HTT: variants seen among roughly 807,000 people sequenced by gnomAD.
HTT encodes huntingtin.
A neutral mutation model predicts 362.3 loss-of-function variants in HTT; 104 were observed. The ratio of observed to expected loss-of-function variants is 0.29; its 90% CI spans 0.24 to 0.34. HTT has a LOEUF of 0.34. HTT is among the 10% of genes least tolerant of loss of function. The pLI, the probability that HTT is intolerant of heterozygous loss-of-function variation, is 1.00. For missense variants in HTT, 3,301 were observed against 3,928.6 expected, an observed-to-expected ratio of 0.84 and a Z score of 4.27; for synonymous variants, 1,577 against 1,548.7, an observed-to-expected ratio of 1.02 and a Z score of -0.43.
chr4:3,230,500 A>T (rs968982145), intron 60 of HTT, among the ~76,000 whole-genome samples: 1 of 151,504 alleles, frequency 6.6e-6, no homozygotes, highest in Non-Finnish European at 1.5e-5. Context: ...TGTCACAGTG[A>T]CCCTGTGTTT....
intron 49 of HTT, among the ~76,000 whole-genome samples, chr4:3,213,368 G>C (rs972953766): frequency 2.0e-5 from 3 of 152,226 alleles, no homozygotes; most frequent in Non-Finnish European, 4.4e-5. Flanking sequence ...TCACAGCACA[G>C]GGTGATTGCT....
intron 8 of HTT, among the ~76,000 whole-genome samples, chr4:3,120,763 G>C (rs1317931404): frequency 6.6e-6 from 1 of 152,186 alleles, no homozygotes; most frequent in Non-Finnish European, 1.5e-5. Context: ...CCAGTCTCTG[G>C]TGCCAGAAAG....
At position 3,187,635 on chromosome 4, in the gene HTT, A is replaced by G. The variant is rs917682102; in HGVS notation, c.4990-16A>G. ...TTTTTTCTTCAGCTGTGACTTATGT[A>G]TTATGTTTATTTTAGGCGTCCGTGA... On this transcript the variant is annotated splice_polypyrimidine_tract_variant and intron_variant, in intron 38 of 66. Transcript: ENST00000355072. 3 of 1,577,976 alleles carry G rather than the reference A, an allele frequency of 1.9e-6. No individual in the cohort carries two copies. The highest frequency in any genetic ancestry group is 2.2e-5 in the East Asian group (1 of 44,724).
intron 53 of HTT, among the ~76,000 whole-genome samples, chr4:3,220,854 C>G (rs866265240): frequency 6.6e-6 from 1 of 152,126 alleles, no homozygotes; most frequent in Non-Finnish European, 1.5e-5. Flanking sequence ...CAGGGCAAGT[C>G]CGTCTAACCT....
Position 3,145,248 on chromosome 4 carries a change from T to C in HTT, c.3143+20T>C. The C allele has an allele frequency of 6.7e-7, 1 of 1,483,144 alleles. No individual in the cohort carries two copies. Among genetic ancestry groups the C allele is most frequent in the South Asian group, 1.1e-5 (1 of 88,374 alleles). The allele number at this position is 1,483,144 out of a possible 1,614,324, so 91.9% of individuals were successfully genotyped here. On this transcript the variant is annotated intron_variant, in intron 24 of 66. Transcript: ENST00000355072. ...CTGTGGGTATGTATTTTCCTCAGTA[T>C]ATATTAATAGTTGTCTACAACAGTA...
chr4:3,215,051 A>G (rs1720331862), intron 50 of HTT, 59 bp from the exon 51 acceptor site: 2 of 1,361,348 alleles, frequency 1.5e-6, no homozygotes, highest in Non-Finnish European at 2.1e-6. Context: ...AAAATGTTGA[A>G]TAAAAAGCAC....
At chr4:3,192,943 A>G (rs571004492) in intron 40 of HTT, among the ~76,000 whole-genome samples, 2 of 152,388 alleles carry the variant, frequency 1.3e-5, no homozygotes, top group African/African-American at 4.8e-5. Flanking sequence ...ACTTCCAGTC[A>G]GTGCGTCAGT....
chr4:3,229,306 A>ACACACACGCAC (rs1721099153), intron 59 of HTT, among the ~76,000 whole-genome samples: 1 of 44,246 alleles, frequency 2.3e-5, no homozygotes, highest in South Asian at 1.0e-3. Context: ...CATGCACCAC[A>ACACACACGCAC]CACACACACA....
At chr4:3,229,602 A>C (rs536936368) in intron 59 of HTT, among the ~76,000 whole-genome samples, 4 of 150,720 alleles carry the variant, frequency 2.7e-5, no homozygotes, top group East Asian at 2.0e-4. Context: ...ACCCCACACC[A>C]CACACACACC....
intron 1 of HTT, among the ~76,000 whole-genome samples, chr4:3,081,194 A>G (rs1343726390): frequency 6.6e-6 from 1 of 152,218 alleles, no homozygotes; most frequent in African/African-American, 2.4e-5. Context: ...CATCTTAACA[A>G]TATTGTCTTC....
At chr4:3,171,732 C>T (rs1440542096) in intron 29 of HTT, among the ~76,000 whole-genome samples, 1 of 152,204 alleles carries the variant, frequency 6.6e-6, no homozygotes, top group African/African-American at 2.4e-5. Flanking sequence ...CTGCCTCGAT[C>T]TCCCAAAATG....
intron 40 of HTT, among the ~76,000 whole-genome samples, chr4:3,189,951 G>A (rs761507168): frequency 1.8e-4 from 27 of 152,122 alleles, no homozygotes; most frequent in Non-Finnish European, 2.9e-4. Flanking sequence ...AGGAGGTTAA[G>A]TCTCTAGTGA....
In HTT at chr4:3,121,278, G is replaced by A. The variant is rs1217288516; in HGVS notation, c.1119G>A (p.Val373=). 2.5e-6 allele frequency: 4 copies of A among 1,614,142 alleles called. No individual in the cohort carries two copies. The highest frequency in any genetic ancestry group is 4.5e-5 in the East Asian group (2 of 44,876). The part of the protein sequence containing the change: ...HHTQHQDHNV[V]TGALELLQQL... ...CACAGCACCAAGACCACAATGTTGT[G>A]ACCGGAGCCCTGGAGCTGTTGCAGC... The change falls in exon 9 of 67, where the codon GTG becomes GTA. Residue 373 remains valine (V), a synonymous_variant. Transcript: ENST00000355072.
At chr4:3,097,715 A>G (rs1411526551) in intron 2 of HTT, among the ~76,000 whole-genome samples, 1 of 152,216 alleles carries the variant, frequency 6.6e-6, no homozygotes, top group African/African-American at 2.4e-5. Flanking sequence ...TATAGATGAA[A>G]TGGATGAGTT....
At chr4:3,095,275 G>A (rs957960684) in intron 2 of HTT, among the ~76,000 whole-genome samples, 8 of 152,224 alleles carry the variant, frequency 5.3e-5, no homozygotes, top group Admixed American at 3.3e-4. Context: ...CTGCAATCCC[G>A]GCACCTCGGG....
rs192201218 is a variant in HTT, at chr4:3,177,668, T to C, written c.4463+281T>C. Among the ~76,000 whole-genome samples, 247 of 152,362 alleles carry C rather than the reference T, an allele frequency of 1.6e-3. 2 individuals are homozygous for C. The highest frequency in any genetic ancestry group is 3.0e-3 in the Admixed American group (46 of 15,306). On this transcript the variant is annotated intron_variant, in intron 34 of 66. Transcript: ENST00000355072. Reference sequence around the variant, plus strand: ...TGTTGACAGATGGTGGAATGAAATCTTGTGGTGGAGCACTAGTTTTTAAAT... The same window carrying C: ...TGTTGACAGATGGTGGAATGAAATCCTGTGGTGGAGCACTAGTTTTTAAAT...
chr4:3,139,351 C>T (rs1486783129), intron 21 of HTT, among the ~76,000 whole-genome samples: 2 of 152,172 alleles, frequency 1.3e-5, no homozygotes, highest in Non-Finnish European at 1.5e-5. Flanking sequence ...GAGTGTGCCA[C>T]CATGCCCGGC....
intron 3 of HTT, 148 bp downstream of exon 3, chr4:3,099,542 T>C: frequency 1.8e-6 from 2 of 1,114,980 alleles, no homozygotes; most frequent in Non-Finnish European, 2.5e-6. Flanking sequence ...GGTGCTCTGT[T>C]GTATGGTTTG....
chr4:3,178,839 A>C (rs1328709843), intron 35 of HTT, among the ~76,000 whole-genome samples: 1 of 152,192 alleles, frequency 6.6e-6, no homozygotes. Flanking sequence ...TTGATCTCTC[A>C]TCCAGTGGTA....
Sources: allele counts gnomAD v4.1 joint callset (sites outside exome capture counted in the v4.1 genomes callset), GRCh38; gene constraint gnomAD v4.1.1; transcripts MANE v1.5; gene names NCBI Gene and HGNC (gene_info 2026-07-23, HGNC 2026-07-21).